MYBPC1: variants seen among roughly 807,000 people sequenced by gnomAD.
MYBPC1 encodes myosin-binding protein C, slow-type.
A neutral mutation model predicts 147.1 loss-of-function variants in MYBPC1; 52 were observed. The ratio of observed to expected loss-of-function variants is 0.35; its 90% CI spans 0.28 to 0.45. The LOEUF (loss-of-function observed/expected upper bound fraction) is 0.45. Ranked by LOEUF, MYBPC1 falls within the 20% of genes least tolerant of loss-of-function variation. The pLI is 1.00. For synonymous variants in MYBPC1, 477 were observed against 475.9 expected, an observed-to-expected ratio of 1.00 and a Z score of -0.03; for missense variants, 1,228 against 1,440.3, an observed-to-expected ratio of 0.85 and a Z score of 2.39.
At chr12:101,680,107 G>T (rs1438934367) in intron 28 of MYBPC1, among the ~76,000 whole-genome samples, 1 of 152,186 alleles carries the variant, frequency 6.6e-6, no homozygotes, top group Non-Finnish European at 1.5e-5. Context: ...TGAGAAGATT[G>T]CCCTAGAGTT....
At chr12:101,664,079 C>T (rs191366640) in intron 22 of MYBPC1, among the ~76,000 whole-genome samples, 68 of 152,146 alleles carry the variant, frequency 4.5e-4, no homozygotes, top group Admixed American at 3.5e-3. Context: ...ATTAAATCCT[C>T]GAGTGTATAA....
Position 101,608,168 on chromosome 12 carries a change from G to A in MYBPC1, c.26-6328G>A, listed in dbSNP as rs533666958. On this transcript the variant is annotated intron_variant, in intron 1 of 31. Transcript: ENST00000361466. ...ACCCCTTTGAAAGCATTTCAGTGCT[G>A]CAGAGGGAGAGAAAGTCTGTATATG... Among the ~76,000 whole-genome samples, 22 of 152,322 alleles carry A rather than the reference G, an allele frequency of 1.4e-4. No homozygotes were observed. The South Asian group carries it at 4.6e-3, about 32-fold the overall frequency.
At chr12:101,673,684 G>T in intron 25 of MYBPC1, 62 bp downstream of exon 25, 1 of 1,568,394 alleles carries the variant, frequency 6.4e-7, no homozygotes, top group South Asian at 1.1e-5. Context: ...AATTGTCCTT[G>T]TCCCTAAGGC....
At chr12:101,656,716 C>T (rs557802251) in intron 18 of MYBPC1, among the ~76,000 whole-genome samples, 3 of 152,138 alleles carry the variant, frequency 2.0e-5, no homozygotes, top group African/African-American at 4.8e-5. Context: ...ACTGATAGAA[C>T]GGCAATGAAA....
chr12:101,627,498 C>T (rs183837407), intron 4 of MYBPC1, among the ~76,000 whole-genome samples: 1 of 152,296 alleles, frequency 6.6e-6, no homozygotes, highest in East Asian at 1.9e-4. Context: ...CCACTTTGGC[C>T]TCCCAAAGTG....
At chr12:101,598,526 T>A (rs531158393) in intron 1 of MYBPC1, among the ~76,000 whole-genome samples, 2 of 152,324 alleles carry the variant, frequency 1.3e-5, no homozygotes, top group African/African-American at 4.8e-5. Context: ...AAAGCCTGAT[T>A]CTTTAACATC....
chr12:101,646,589 T>A, intron 12 of MYBPC1, 174 bp from the exon 13 acceptor site: 2 of 687,670 alleles, frequency 2.9e-6, no homozygotes, highest in South Asian at 3.5e-5. Flanking sequence ...CAATTAGCTA[T>A]GTTTGCACCA....
intron 1 of MYBPC1, among the ~76,000 whole-genome samples, chr12:101,597,680 G>A (rs1015690582): frequency 3.9e-5 from 6 of 152,196 alleles, no homozygotes; most frequent in Admixed American, 1.3e-4. Flanking sequence ...TTTGGAGAAA[G>A]CAAGTATTAT....
chr12:101,677,381 G>A lies in MYBPC1; in HGVS notation c.3096G>A (p.Val1032=), dbSNP rs1900237405. The A allele has an allele frequency of 5.6e-6, 9 of 1,613,994 alleles. No homozygotes were observed. In the African/African-American group the frequency reaches 9.3e-5, roughly 17 times the overall value. Reference sequence around the variant, plus strand: ...CCACCATGACTAAAGAGAGTGCAGTGATCGCCAGGGATGGTGAGTTGGGAA... The same window carrying A: ...CCACCATGACTAAAGAGAGTGCAGTAATCGCCAGGGATGGTGAGTTGGGAA... ...EDATMTKESA[V]IARDGKIYKN... Residue 1032 remains valine, a synonymous_variant, in exon 27 of 32, where the codon GTG becomes GTA. Transcript: ENST00000361466.
rs781397849 is a variant in MYBPC1, at chr12:101,595,102, C to CT, written c.25+9dup. The CT allele has an allele frequency of 6.2e-7, 1 of 1,609,878 alleles. No homozygotes were observed. Among genetic ancestry groups the CT allele is most frequent in the Admixed American group, 1.7e-5 (1 of 59,946 alleles). On this transcript the variant is annotated splice_region_variant and intron_variant, in intron 1 of 31. Transcript: ENST00000361466. ...GAACCCACTAAGAAAGAGGGTAAGA[C>CT]TTATCTAGAAATCTTTTTGTTGTAC...
chr12:101,629,411 T>G, intron 5 of MYBPC1, 23 bp from the exon 6 acceptor site: 1 of 1,475,968 alleles, frequency 6.8e-7, no homozygotes, highest in Non-Finnish European at 9.4e-7. Context: ...GAAATAATCC[T>G]TTTCCTCCTT....
At chr12:101,611,826 C>A (rs1593658600) in intron 1 of MYBPC1, among the ~76,000 whole-genome samples, 1 of 152,232 alleles carries the variant, frequency 6.6e-6, no homozygotes, top group East Asian at 1.9e-4. Context: ...CGCCTGTAAT[C>A]CCAGCATTTT....
intron 22 of MYBPC1, chr12:101,666,531 C>G: frequency 1.9e-6 from 1 of 536,806 alleles, no homozygotes. Context: ...GTGGCAGGTG[C>G]CTCAGGTCAG....
chr12:101,688,185 C>T (rs980068833), downstream of MYBPC1, among the ~76,000 whole-genome samples: 4 of 152,094 alleles, frequency 2.6e-5, no homozygotes, highest in African/African-American at 9.7e-5. Flanking sequence ...TTTTAGAGGC[C>T]GAGGCGGGCA....
At chr12:101,643,769 A>G (rs1892545400) in intron 11 of MYBPC1, among the ~76,000 whole-genome samples, 1 of 152,126 alleles carries the variant, frequency 6.6e-6, no homozygotes, top group African/African-American at 2.4e-5. Context: ...GTTCTATGTT[A>G]TTTAAAATAT....
intron 28 of MYBPC1, among the ~76,000 whole-genome samples, 193 bp downstream of exon 28, chr12:101,678,431 C>T (rs1900549679): frequency 1.3e-5 from 2 of 152,192 alleles, no homozygotes; most frequent in Non-Finnish European, 1.5e-5. Flanking sequence ...CATTTCTTTG[C>T]TAAGGGATTC....
intron 9 of MYBPC1, among the ~76,000 whole-genome samples, chr12:101,634,936 G>T (rs965337788): frequency 6.6e-6 from 1 of 152,100 alleles, no homozygotes; most frequent in Non-Finnish European, 1.5e-5. Flanking sequence ...AAAGAAATAC[G>T]CAAAGAGACT....
intron 3 of MYBPC1, among the ~76,000 whole-genome samples, chr12:101,620,771 T>A (rs572670494): frequency 6.6e-6 from 1 of 152,358 alleles, no homozygotes; most frequent in African/African-American, 2.4e-5. Context: ...TTTCCATGCC[T>A]AAGTGCTGAT....
chr12:101,695,822 A>C, the MYBPC1 span, among the ~76,000 whole-genome samples: 1 of 152,050 alleles, frequency 6.6e-6, no homozygotes, highest in Non-Finnish European at 1.5e-5. Context: ...GAGAGAAATA[A>C]ATTCCTGTTG....
Sources: gnomAD v4.1 joint callset for allele counts (sites outside exome capture counted in the v4.1 genomes callset) on GRCh38, gnomAD v4.1.1 for gene constraint, MANE v1.5 for transcripts, NCBI Gene and HGNC (gene_info 2026-07-23, HGNC 2026-07-21) for gene names.